Variants in CRYBG3 observed in about 807,000 individuals in gnomAD.
CRYBG3 encodes crystallin beta-gamma domain containing 3.
Under a neutral mutation model 244.2 loss-of-function variants are expected in CRYBG3, and 127 were observed. That is an observed-to-expected ratio of 0.52 (90% confidence interval 0.45 to 0.60). The LOEUF is 0.60. CRYBG3 is among the 20% of genes least tolerant of loss of function. CRYBG3 has a pLI of 0.00. For synonymous variants in CRYBG3, 1,132 were observed against 1,195.8 expected (o/e 0.95, Z 1.10); for missense variants, 3,325 against 3,442.5 (o/e 0.97, Z 0.85).
At chr3:97,889,434 G>A in intron 10 of CRYBG3, 44 bp downstream of exon 10, 1 of 1,459,110 alleles carries the variant, frequency 6.9e-7, no homozygotes, top group Non-Finnish European at 9.6e-7. Flanking sequence ...AGAGTCTCAG[G>A]ATTAATATTT....
intron 2 of CRYBG3, among the ~76,000 whole-genome samples, chr3:97,862,136 A>G (rs1024913782): frequency 6.6e-6 from 1 of 152,118 alleles, no homozygotes; most frequent in Admixed American, 6.6e-5. Flanking sequence ...GGTTAAATGT[A>G]AAGTCTTTCA....
intron 15 of CRYBG3, among the ~76,000 whole-genome samples, chr3:97,903,878 A>C (rs1175070615): frequency 1.3e-5 from 2 of 152,176 alleles, no homozygotes; most frequent in South Asian, 2.1e-4. Context: ...CCAGAGGAAT[A>C]CTTTTTTTCC....
chr3:97,850,383 T>C (rs1398828120), intron 2 of CRYBG3, among the ~76,000 whole-genome samples: 2 of 152,198 alleles, frequency 1.3e-5, no homozygotes, highest in Non-Finnish European at 2.9e-5. Flanking sequence ...TACATATCTT[T>C]ATCAAAAATT....
intron 2 of CRYBG3, 56 bp downstream of exon 2, chr3:97,843,317 A>C (rs1189882068): frequency 6.0e-6 from 5 of 839,922 alleles, no homozygotes; most frequent in Non-Finnish European, 9.2e-6. Context: ...AATTGCTGTT[A>C]ATTCTTTTAG....
chr3:97,940,381 G>T (rs1022514549), intron 19 of CRYBG3, among the ~76,000 whole-genome samples: 2 of 151,972 alleles, frequency 1.3e-5, no homozygotes, highest in South Asian at 2.1e-4. Context: ...GGGTATAATT[G>T]TACTTTCTTA....
chr3:97,846,039 G>C (rs989080395), intron 2 of CRYBG3, among the ~76,000 whole-genome samples: 2 of 152,172 alleles, frequency 1.3e-5, no homozygotes, highest in African/African-American at 2.4e-5. Context: ...TGTCATGGAT[G>C]CTCAGTATGT....
Position 97,877,681 on chromosome 3 carries a change from C to G in CRYBG3, c.6487C>G (p.Leu2163Val). Reference protein sequence around the residue: ...EEAAVLHKGDLRAGSGERVTF... With the variant: ...EEAAVLHKGDVRAGSGERVTF... Reference sequence around the variant, plus strand: ...GGCAGCAGTATTGCATAAAGGAGATCTGAGAGCTGGAAGTGGGGAGCGTGT... The same window carrying G: ...GGCAGCAGTATTGCATAAAGGAGATGTGAGAGCTGGAAGTGGGGAGCGTGT... The change falls in exon 4 of 22, where the codon CTG becomes GTG. Residue 2163 changes from leucine (L) to valine (V), a missense_variant. Coordinates refer to ENST00000389622, the MANE Select transcript of CRYBG3 (RefSeq NM_153605.4). 7 of 1,614,068 alleles carry G rather than the reference C, an allele frequency of 4.3e-6. No individual in the cohort carries two copies. The highest frequency in any genetic ancestry group is 1.1e-5 in the South Asian group (1 of 91,076).
chr3:97,922,969 A>G (rs2039999148), intron 17 of CRYBG3, among the ~76,000 whole-genome samples: 2 of 152,222 alleles, frequency 1.3e-5, no homozygotes, highest in South Asian at 4.1e-4. Context: ...CGGGATTAAG[A>G]AAATGTGGCA....
chr3:97,875,690 G>A lies in CRYBG3; in HGVS notation c.4496G>A (p.Ser1499Asn), dbSNP rs1349586997. The change falls in exon 4 of 22, where the codon AGC becomes AAC. Residue 1499 changes from serine (S) to asparagine (N), a missense_variant. Ser to Asn is a conservative substitution (Grantham distance 46). Around this residue, in one of 4 missense-constraint regions of CRYBG3, gnomAD observed 635 missense variants for 771.7 expected, o/e 0.82. Coordinates refer to ENST00000389622, the MANE Select transcript of CRYBG3 (RefSeq NM_153605.4). ...PGTSKSSLSD[S>N]LVCISEKNLP... ...ACATCTAAAAGCAGTTTGTCTGATA[G>A]CCTTGTATGTATATCTGAAAAAAAC... 2 of 1,232,738 alleles carry A rather than the reference G, an allele frequency of 1.6e-6. No homozygotes were observed. The highest frequency in any genetic ancestry group is 2.0e-6 in the Non-Finnish European group (2 of 988,560). The allele number at this position is 1,232,738 out of a possible 1,614,324, so 76.4% of individuals were successfully genotyped here.
intron 1 of CRYBG3, among the ~76,000 whole-genome samples, chr3:97,834,984 A>G (rs1464916434): frequency 1.3e-5 from 2 of 152,178 alleles, no homozygotes; most frequent in Admixed American, 1.3e-4. Context: ...CATTCTTTCA[A>G]ATGATTCCCT....
intron 3 of CRYBG3, among the ~76,000 whole-genome samples, chr3:97,870,235 G>T (rs113269287): frequency 6.6e-6 from 1 of 152,096 alleles, no homozygotes; most frequent in Non-Finnish European, 1.5e-5. Flanking sequence ...AGATTATTTC[G>T]TCACCCAGGT....
intron 10 of CRYBG3, among the ~76,000 whole-genome samples, 168 bp from the exon 11 acceptor site, chr3:97,892,692 A>G (rs2039593359): frequency 6.6e-6 from 1 of 152,120 alleles, no homozygotes; most frequent in East Asian, 1.9e-4. Flanking sequence ...AAATTTTGCA[A>G]TCCCTGCATA....
intron 17 of CRYBG3, among the ~76,000 whole-genome samples, chr3:97,920,385 A>G (rs1424797949): frequency 6.6e-6 from 1 of 152,126 alleles, no homozygotes; most frequent in Admixed American, 6.6e-5. Context: ...GCAGATATCT[A>G]GAGTAAGCAG....
chr3:97,920,231 C>T (rs1370852275), intron 17 of CRYBG3, among the ~76,000 whole-genome samples: 1 of 152,142 alleles, frequency 6.6e-6, no homozygotes, highest in Non-Finnish European at 1.5e-5. Flanking sequence ...GCATAACAAA[C>T]TCATCAAATC....
At chr3:97,834,817 C>T (rs570192075) in intron 1 of CRYBG3, among the ~76,000 whole-genome samples, 25 of 152,062 alleles carry the variant, frequency 1.6e-4, no homozygotes, top group Non-Finnish European at 3.7e-4. Context: ...GCATTTTTTG[C>T]ACTCACTTGT....
chr3:97,872,858 T>C lies in CRYBG3; in HGVS notation c.1664T>C (p.Leu555Ser). ...GCTCCAGAAGATAAAATTGAGTCAT[T>C]ACCCAAAGATACTGACCAATACTTT... ...VKAPEDKIES[L>S]PKDTDQYFET... Residue 555 changes from leucine to serine, a missense_variant, in exon 4 of 22, where the codon TTA (leucine) becomes TCA (serine). Physicochemically the swap from Leu to Ser is moderately radical, Grantham distance 145. Transcript: ENST00000389622. 1 of 1,535,746 alleles carries C rather than the reference T, an allele frequency of 6.5e-7. No individual in the cohort carries two copies. Among genetic ancestry groups the C allele is most frequent in the South Asian group, 1.2e-5 (1 of 83,994 alleles).
rs768796973 is a variant in CRYBG3 at position 97,942,436 on chromosome 3, T to C, written c.8817T>C (p.Asp2939=). 3.1e-6 allele frequency: 5 copies of C among 1,609,520 alleles called. No individual in the cohort carries two copies. The highest frequency in any genetic ancestry group is 4.2e-6 in the Non-Finnish European group (5 of 1,177,338). ...SSYLSDQLVL[D]VKGGNYCDKT... is the part of the protein sequence containing the mutation. ...ATCTCAGTGATCAACTTGTCCTTGA[T>C]GTTAAAGGTGGGCCTTTGATGATAC... Residue 2939 remains aspartate (D), a synonymous_variant, in exon 21 of 22, where the codon GAT becomes GAC. Transcript: ENST00000389622.
At position 97,877,061 on chromosome 3, in the gene CRYBG3, A is replaced by G. The variant is rs2039384127; in HGVS notation, c.5867A>G (p.Asp1956Gly). ...GCAATGCCAGATTTTCAACCTGGGGATACCACAGTAAGACTAGACAAAAGA... is the reference window on the plus strand; with the variant it reads ...GCAATGCCAGATTTTCAACCTGGGGGTACCACAGTAAGACTAGACAAAAGA... ...APAMPDFQPG[D>G]TTVRLDKRMS... The change falls in exon 4 of 22, where the codon GAT (aspartate) becomes GGT (glycine). Residue 1956 changes from aspartate (D) to glycine (G), a missense_variant. Around this residue, in one of 4 missense-constraint regions of CRYBG3, gnomAD observed 450 missense variants for 424.1 expected, o/e 1.06. Transcript: ENST00000389622. The G allele has an allele frequency of 1.2e-6, 2 of 1,600,634 alleles. No homozygotes were observed. Among genetic ancestry groups the G allele is most frequent in the Non-Finnish European group, 1.7e-6 (2 of 1,172,716 alleles).
chr3:97,909,779 C>T (rs1464876187), intron 15 of CRYBG3, among the ~76,000 whole-genome samples: 3 of 149,468 alleles, frequency 2.0e-5, no homozygotes, highest in Admixed American at 6.7e-5. Context: ...AGCTTTGTTC[C>T]GTTGCTGGTG....
Sources: allele counts gnomAD v4.1 joint callset (sites outside exome capture counted in the v4.1 genomes callset), GRCh38; gene constraint gnomAD v4.1.1; regional missense constraint gnomAD v4.1.1; transcripts MANE v1.5; gene names NCBI Gene and HGNC (gene_info 2026-07-23, HGNC 2026-07-21).